RAB37: variants seen among roughly 807,000 people sequenced by gnomAD.
The protein encoded by RAB37 is ras-related protein Rab-37.
RAB37 carries 29 observed loss-of-function variants against 33.1 expected under a neutral mutation model. The ratio of observed to expected loss-of-function variants is 0.88; its 90% CI spans 0.65 to 1.20. RAB37 has a LOEUF of 1.20. Ranked by LOEUF, RAB37 falls within the 50% of genes most tolerant of loss-of-function variation. The probability of loss-of-function intolerance (pLI) is 0.00; values close to 1 mark genes in which losing one functional copy is unlikely to be tolerated. For synonymous variants in RAB37, 128 were observed against 119.5 expected, an observed-to-expected ratio of 1.07 and a Z score of -0.47; for missense variants, 299 against 301.1, an observed-to-expected ratio of 0.99 and a Z score of 0.05.
rs549930940 is a variant in RAB37, at chr17:74,698,198, T to G, written c.72+26540T>G. On this transcript the variant is annotated intron_variant, in intron 1 of 7. Transcript: ENST00000340415. ...ATGCCAAAACCTCCTGGGGCTCCCC[T>G]GCAAGCTCCAGGGCGCCCCCCGGTC... 4.8e-3 allele frequency among the ~76,000 whole-genome samples: 724 copies of G among 152,320 alleles called. 5 individuals are homozygous for G. Among genetic ancestry groups the G allele is most frequent in the Non-Finnish European group, 6.1e-3 (418 of 68,018 alleles).
intron 2 of RAB37, among the ~76,000 whole-genome samples, chr17:74,741,717 T>C (rs566641642): frequency 6.6e-6 from 1 of 152,092 alleles, no homozygotes; most frequent in South Asian, 2.1e-4. Flanking sequence ...ACACCTGAAG[T>C]GTTCAATAGA....
chr17:74,727,173 A>G (rs1041293102), intron 1 of RAB37, among the ~76,000 whole-genome samples: 2 of 152,364 alleles, frequency 1.3e-5, no homozygotes, highest in South Asian at 2.1e-4. Context: ...CCAAGTGTGC[A>G]AGGCACATAC....
chr17:74,712,751 C>T (rs1190265267), intron 1 of RAB37: 6 of 1,531,068 alleles, frequency 3.9e-6, no homozygotes, highest in Non-Finnish European at 5.4e-6. Context: ...TGGCCGGGTC[C>T]CTTCTTCCCT....
chr17:74,743,130 TCTGGGACACCG>T lies in RAB37; in HGVS notation c.254_264del (p.Asp85AlafsTer23). The T allele has an allele frequency of 1.9e-6, 3 of 1,612,836 alleles. No homozygotes were observed. Among genetic ancestry groups the T allele is most frequent in the Non-Finnish European group, 2.5e-6 (3 of 1,179,102 alleles). On this transcript the variant is annotated frameshift_variant and splice_region_variant, in exon 4 of 9. Transcript: ENST00000392613. LOFTEE classifies it high-confidence loss of function. ...TTTCTCCATCCCATCCCTTCCCAGATCTGGGACACCGCTGGGCAGGAACGGTTCCGAAGCGT... is the reference window on the plus strand; with the variant it reads ...TTTCTCCATCCCATCCCTTCCCAGATCTGGGCAGGAACGGTTCCGAAGCGT...
chr17:74,747,245 A>G lies in RAB37; in HGVS notation c.*1834A>G, dbSNP rs1258150851. 1 of 152,132 alleles carries G rather than the reference A, an allele frequency of 6.6e-6. No individual in the cohort carries two copies. Among genetic ancestry groups the G allele is most frequent in the African/African-American group, 2.4e-5 (1 of 41,392 alleles). 9.4% of individuals were successfully genotyped at this position (152,132 alleles called of 1,614,324 possible). On this transcript the variant is annotated 3_prime_UTR_variant, in exon 9 of 9. Coordinates refer to ENST00000392613, the MANE Select transcript of RAB37 (RefSeq NM_001006638.3). ...CATTGCCAGTCTCTTCTGGGGCCCA[A>G]GGCAGGTTGCAGGAGATCCAATCCC...
intron 1 of RAB37, among the ~76,000 whole-genome samples, chr17:74,719,460 T>A (rs1156487212): frequency 1.3e-5 from 2 of 152,106 alleles, no homozygotes; most frequent in African/African-American, 4.8e-5. Context: ...CTCAAAAAAA[T>A]AAATAAATAA....
intron 1 of RAB37, chr17:74,698,432 A>G (rs201214384): frequency 2.8e-5 from 45 of 1,613,950 alleles, no homozygotes; most frequent in Admixed American, 6.7e-5. Flanking sequence ...AGCAGCAGCA[A>G]TATGGTGAAG....
chr17:74,741,718 G>A (rs1010373894), intron 2 of RAB37, among the ~76,000 whole-genome samples: 3 of 152,272 alleles, frequency 2.0e-5, no homozygotes, highest in African/African-American at 7.2e-5. Context: ...CACCTGAAGT[G>A]TTCAATAGAG....
rs756327287 is a variant in RAB37, at chr17:74,703,082, T to C, written c.73-26174T>C. 21 of 1,613,918 alleles carry C rather than the reference T, an allele frequency of 1.3e-5. No homozygotes were observed. The Admixed American group carries it at 2.7e-4, about 20-fold the overall frequency. ...TCAGAGTTGGGGAGCTGCTAGTTTC[T>C]TCTTGGGTGACTGGTGCTGTAAACG... On this transcript the variant is annotated intron_variant, in intron 1 of 7. Coordinates refer to the RAB37 transcript ENST00000340415.
intron 1 of RAB37, among the ~76,000 whole-genome samples, chr17:74,709,635 T>A (rs1245333766): frequency 2.0e-5 from 3 of 152,068 alleles, no homozygotes; most frequent in Admixed American, 2.0e-4. Context: ...GGTACGAACA[T>A]GGGTCACTGC....
chr17:74,697,940 G>A (rs539266469), intron 1 of RAB37, among the ~76,000 whole-genome samples: 4 of 152,292 alleles, frequency 2.6e-5, no homozygotes, highest in African/African-American at 7.2e-5. Flanking sequence ...GCATGTGTGT[G>A]TGCATCCACT....
intron 1 of RAB37, among the ~76,000 whole-genome samples, chr17:74,710,634 G>A (rs2033879778): frequency 6.6e-6 from 1 of 151,900 alleles, no homozygotes; most frequent in Non-Finnish European, 1.5e-5. Context: ...CAAGGCGGGT[G>A]GATCACTTGA....
At chr17:74,691,868 T>C (rs2032162571) in intron 1 of RAB37, among the ~76,000 whole-genome samples, 1 of 145,510 alleles carries the variant, frequency 6.9e-6, no homozygotes, top group African/African-American at 2.5e-5. Context: ...GTTATGCCAT[T>C]TTTTTTTTTT....
chr17:74,715,005 C>T (rs531948483), intron 1 of RAB37, among the ~76,000 whole-genome samples: 6 of 152,232 alleles, frequency 3.9e-5, no homozygotes, highest in African/African-American at 1.4e-4. Flanking sequence ...GCTTATAATC[C>T]CAGCTACTCA....
intron 1 of RAB37, among the ~76,000 whole-genome samples, chr17:74,697,443 T>C (rs1280466950): frequency 6.6e-6 from 1 of 151,992 alleles, no homozygotes; most frequent in African/African-American, 2.4e-5. Context: ...GGCAATACAT[T>C]TGGGAGAAAA....
In RAB37 at chr17:74,745,822, G is replaced by A. The variant is rs898438889; in HGVS notation, c.*411G>A. The A allele has an allele frequency of 2.9e-5, 5 of 173,246 alleles. No individual in the cohort carries two copies. Among genetic ancestry groups the A allele is most frequent in the South Asian group, 1.2e-4 (1 of 8,474 alleles). 10.7% of individuals were successfully genotyped at this position (173,246 alleles called of 1,614,324 possible). ...GGTGAGGGCAGGTAATGACTCCATC[G>A]CACCCTCAGTTCAGCTGGACAGAGG... On this transcript the variant is annotated 3_prime_UTR_variant, in exon 9 of 9. Coordinates refer to ENST00000392613, the MANE Select transcript of RAB37 (RefSeq NM_001006638.3). The surrounding 1 kb of genome is among the most constrained non-coding windows in gnomAD (Gnocchi z 4.5).
At chr17:74,720,065 A>C (rs1173284749) in intron 1 of RAB37, among the ~76,000 whole-genome samples, 1 of 152,190 alleles carries the variant, frequency 6.6e-6, no homozygotes, top group African/African-American at 2.4e-5. Flanking sequence ...TCTCCCAAAC[A>C]GTGAGACAGG....
At chr17:74,717,136 A>AAAAAT (rs2034175688) in intron 1 of RAB37, among the ~76,000 whole-genome samples, 1 of 152,218 alleles carries the variant, frequency 6.6e-6, no homozygotes, top group Admixed American at 6.5e-5. Context: ...ACTCTGTCTC[A>AAAAAT]AAAATAAAAT....
In RAB37 at chr17:74,671,714, G is replaced by T; in HGVS notation, c.72+56G>T. ...GTTGGAAGAGGCGCCAGCACCAGGAGTTTTCTCCACTCCCCTGACTTTGCT... is the reference window on the plus strand; with the variant it reads ...GTTGGAAGAGGCGCCAGCACCAGGATTTTTCTCCACTCCCCTGACTTTGCT... On this transcript the variant is annotated intron_variant, in intron 1 of 7. Coordinates refer to the RAB37 transcript ENST00000340415. This position sits in a 1 kb window ranked among gnomAD's most constrained non-coding sequence, Gnocchi z 5.0. 6.7e-7 allele frequency: 1 copy of T among 1,503,150 alleles called. No individual in the cohort carries two copies. Among genetic ancestry groups the T allele is most frequent in the Non-Finnish European group, 9.3e-7 (1 of 1,079,940 alleles). 93.1% of individuals were successfully genotyped at this position (1,503,150 alleles called of 1,614,324 possible). A position where few individuals can be genotyped will look rare whatever the true frequency, so the allele number is the denominator to read the frequency against.
Sources: gnomAD v4.1 joint callset for allele counts (sites outside exome capture counted in the v4.1 genomes callset) on GRCh38, gnomAD v4.1.1 for gene constraint, Gnocchi (gnomAD v3.1) non-coding constraint, MANE v1.5 for transcripts, NCBI Gene and HGNC (gene_info 2026-07-23, HGNC 2026-07-21) for gene names.